The following DLG2 variants were observed in gnomAD, a reference collection of about 807,000 sequenced individuals.
DLG2 encodes discs large MAGUK scaffold protein 2.
DLG2 carries 45 observed loss-of-function variants against 132.5 expected under a neutral mutation model. The ratio of observed to expected loss-of-function variants is 0.34; its 90% CI spans 0.27 to 0.44. The LOEUF (loss-of-function observed/expected upper bound fraction) is 0.44, where lower values mean the gene tolerates loss of function less well. Ranked by LOEUF, DLG2 falls within the 20% of genes least tolerant of loss-of-function variation. DLG2 has a pLI of 1.00. For missense variants in DLG2, 1,045 were observed against 1,196.9 expected (o/e 0.87, Z 1.87); for synonymous variants, 424 against 419.6 (o/e 1.01, Z -0.13).
chr11:84,584,188 G>A lies in DLG2; in HGVS notation c.358-49457C>T, dbSNP rs534823003. Among the ~76,000 whole-genome samples the A allele has an allele frequency of 1.2e-4, 19 of 152,144 alleles. No individual in the cohort carries two copies. The South Asian group carries it at 3.9e-3, about 32-fold the overall frequency. ...CCTCAATAACATTTCACAGTATCAG[G>A]CTTCCTAATTTTATACCTATATAAT... On this transcript the variant is annotated intron_variant, in intron 6 of 27. Transcript: ENST00000376104.
At chr11:85,049,490 T>C (rs1474308541) in intron 6 of DLG2, among the ~76,000 whole-genome samples, 1 of 151,972 alleles carries the variant, frequency 6.6e-6, no homozygotes, top group Non-Finnish European at 1.5e-5. Context: ...TATTTTTTGT[T>C]GGAGGGGCTG....
At chr11:83,464,775 G>A (rs2090700043) in intron 26 of DLG2, among the ~76,000 whole-genome samples, 1 of 152,070 alleles carries the variant, frequency 6.6e-6, no homozygotes, top group Non-Finnish European at 1.5e-5. Context: ...GTTCCCTCAG[G>A]CCTCATTCCC....
intron 12 of DLG2, among the ~76,000 whole-genome samples, chr11:83,976,963 G>C (rs1328515275): frequency 6.6e-6 from 1 of 151,796 alleles, no homozygotes; most frequent in Non-Finnish European, 1.5e-5. Flanking sequence ...TCAGATTTTG[G>C]AGATTAGCTT....
At chr11:85,172,611 G>A (rs183827687) in intron 4 of DLG2, among the ~76,000 whole-genome samples, 44 of 152,312 alleles carry the variant, frequency 2.9e-4, no homozygotes, top group Non-Finnish European at 5.7e-4. Flanking sequence ...CTGGGCTGAG[G>A]TTGAGATGGC....
At chr11:84,942,115 GATTTT>G (rs894820619) in intron 6 of DLG2, among the ~76,000 whole-genome samples, 108 of 151,948 alleles carry the variant, frequency 7.1e-4, no homozygotes, top group Non-Finnish European at 1.1e-3. Flanking sequence ...TTTCATTTCT[GATTTT>G]ATTTAATTGA....
chr11:84,094,901 A>G lies in DLG2; in HGVS notation c.749+4022T>C, dbSNP rs145935771. 1.8e-3 allele frequency among the ~76,000 whole-genome samples: 274 copies of G among 152,362 alleles called. 1 individual carries two copies. The highest frequency in any genetic ancestry group is 3.4e-3 in the Middle Eastern group (1 of 294). Reference sequence around the variant, plus strand: ...AAGGAAACACCAAGGATTTGTTTACATAAAAGAAAACTGTGTTTAATTTAT... The same window carrying G: ...AAGGAAACACCAAGGATTTGTTTACGTAAAAGAAAACTGTGTTTAATTTAT... On this transcript the variant is annotated intron_variant, in intron 10 of 27. Transcript: ENST00000376104.
intron 6 of DLG2, among the ~76,000 whole-genome samples, chr11:84,985,653 A>G (rs2056378335): frequency 6.6e-6 from 1 of 152,228 alleles, no homozygotes; most frequent in Middle Eastern, 3.4e-3. Context: ...ATGAAACTGA[A>G]ACAAAATTAA....
At chr11:84,412,676 T>G (rs2098913066) in intron 7 of DLG2, among the ~76,000 whole-genome samples, 1 of 152,206 alleles carries the variant, frequency 6.6e-6, no homozygotes, top group South Asian at 2.1e-4. Flanking sequence ...CCACCCTTCC[T>G]TACTGGCTGT....
intron 2 of DLG2, among the ~76,000 whole-genome samples, chr11:85,617,950 G>C (rs1273686767): frequency 6.6e-6 from 1 of 152,102 alleles, no homozygotes; most frequent in Non-Finnish European, 1.5e-5. Flanking sequence ...ATTTTCACAG[G>C]ATTTTCTACT....
At chr11:83,556,931 C>T (rs111900101) in intron 19 of DLG2, among the ~76,000 whole-genome samples, 2,424 of 152,248 alleles carry the variant, frequency 0.016, 57 homozygotes, top group African/African-American at 0.056. Flanking sequence ...AGTGGTACTT[C>T]AAACCAGCAA....
At chr11:83,475,254 G>A (rs1038151071) in intron 22 of DLG2, among the ~76,000 whole-genome samples, 5 of 152,142 alleles carry the variant, frequency 3.3e-5, no homozygotes, top group African/African-American at 1.2e-4. Context: ...TATGGGTAAT[G>A]AGGAAGAGAC....
At chr11:84,476,723 G>A (rs1467435676) in intron 7 of DLG2, among the ~76,000 whole-genome samples, 1 of 152,156 alleles carries the variant, frequency 6.6e-6, no homozygotes, top group African/African-American at 2.4e-5. Context: ...CAGGCCACAT[G>A]GAGAAGCCAT....
intron 6 of DLG2, among the ~76,000 whole-genome samples, chr11:84,817,085 C>A (rs1220791026): frequency 1.3e-5 from 2 of 151,954 alleles, no homozygotes; most frequent in Non-Finnish European, 2.9e-5. Context: ...AAGCACCATG[C>A]AAACATGAGT....
rs2089090952 is a variant in DLG2 at position 83,456,875 on chromosome 11, G to A, written c.*2943C>T. On this transcript the variant is annotated 3_prime_UTR_variant, in exon 28 of 28. Transcript: ENST00000376104. ...GCAGACAGAGCCAACCCAAGAATTT[G>A]GGGCTGGGAAAAAAGGCCTGCAAAT... The A allele has an allele frequency of 6.6e-6, 1 of 152,382 alleles. No homozygotes were observed. The highest frequency in any genetic ancestry group is 1.5e-5 in the Non-Finnish European group (1 of 68,024). The allele number at this position is 152,382 out of a possible 1,614,324, so 9.4% of individuals were successfully genotyped here.
At chr11:84,014,076 T>C (rs1301950373) in intron 11 of DLG2, among the ~76,000 whole-genome samples, 1 of 152,134 alleles carries the variant, frequency 6.6e-6, no homozygotes, top group African/African-American at 2.4e-5. Flanking sequence ...TAGAGTTGTG[T>C]ATTTATCAAG....
intron 14 of DLG2, among the ~76,000 whole-genome samples, chr11:83,935,068 T>C (rs1387303722): frequency 1.3e-5 from 2 of 152,194 alleles, no homozygotes; most frequent in African/African-American, 2.4e-5. Context: ...TATCCTGCTA[T>C]GGTTTTCTTG....
intron 6 of DLG2, among the ~76,000 whole-genome samples, chr11:85,043,578 T>G (rs2062051871): frequency 6.6e-6 from 1 of 151,862 alleles, no homozygotes; most frequent in Non-Finnish European, 1.5e-5. Context: ...AATGCATTAT[T>G]TAAATACATG....
At chr11:85,119,764 A>C (rs1307196551) in intron 5 of DLG2, among the ~76,000 whole-genome samples, 3 of 152,080 alleles carry the variant, frequency 2.0e-5, no homozygotes, top group Non-Finnish European at 4.4e-5. Flanking sequence ...AAACCTTTGA[A>C]GAAAGAAATG....
At chr11:85,404,399 A>G (rs2088510098) in intron 3 of DLG2, among the ~76,000 whole-genome samples, 1 of 152,008 alleles carries the variant, frequency 6.6e-6, no homozygotes, top group Non-Finnish European at 1.5e-5. Context: ...TTTATTCCAA[A>G]TTGTCCAACC....
Sources: gnomAD v4.1 joint callset for allele counts (sites outside exome capture counted in the v4.1 genomes callset) on GRCh38, gnomAD v4.1.1 for gene constraint, MANE v1.5 for transcripts, NCBI Gene and HGNC (gene_info 2026-07-23, HGNC 2026-07-21) for gene names.